The following NT5C2 variants were observed in gnomAD, a reference collection of about 807,000 sequenced individuals.
NT5C2 encodes 5'-nucleotidase, cytosolic II.
Under a neutral mutation model 76.1 loss-of-function variants are expected in NT5C2, and 58 were observed. The ratio of observed to expected loss-of-function variants is 0.76; its 90% CI spans 0.62 to 0.95. The LOEUF (loss-of-function observed/expected upper bound fraction) is 0.95. Among genes scored for constraint, NT5C2 ranks in the 40% least tolerant of loss-of-function variants. NT5C2 has a pLI of 0.00. For synonymous variants in NT5C2, 229 were observed against 237.4 expected, an observed-to-expected ratio of 0.96 and a Z score of 0.32; for missense variants, 478 against 690.3, an observed-to-expected ratio of 0.69 and a Z score of 3.45.
chr10:103,109,351 G>A (rs1429445483), intron 4 of NT5C2, among the ~76,000 whole-genome samples: 2 of 152,102 alleles, frequency 1.3e-5, no homozygotes, highest in Non-Finnish European at 2.9e-5. Flanking sequence ...CATAAGGCAT[G>A]GCACCTACTG....
chr10:103,119,017 GTTCT>G (rs990970280), intron 4 of NT5C2, among the ~76,000 whole-genome samples: 2 of 152,016 alleles, frequency 1.3e-5, no homozygotes, highest in African/African-American at 2.4e-5. Flanking sequence ...CTATTTTTCT[GTTCT>G]TTAATTTTCA....
intron 11 of NT5C2, 150 bp from the exon 12 acceptor site, chr10:103,096,130 A>G: frequency 1.6e-6 from 1 of 625,000 alleles, no homozygotes; most frequent in Non-Finnish European, 2.8e-6. Context: ...AAATCATGGC[A>G]GTGGAAGCCA....
chr10:103,089,998 A>C, intron 18 of NT5C2, 90 bp from the exon 19 acceptor site: 4 of 958,190 alleles, frequency 4.2e-6, no homozygotes, highest in Non-Finnish European at 6.1e-6. Flanking sequence ...TTAGGTGGCC[A>C]TGCAATTACA....
intron 1 of NT5C2, among the ~76,000 whole-genome samples, chr10:103,190,104 G>A (rs1037792736): frequency 5.0e-4 from 74 of 148,356 alleles, no homozygotes; most frequent in African/African-American, 1.7e-3. Context: ...GGGTTCAAGC[G>A]ATTCTCCTGC....
At chr10:103,134,768 C>A (rs1053400632) in intron 4 of NT5C2, among the ~76,000 whole-genome samples, 1 of 152,242 alleles carries the variant, frequency 6.6e-6, no homozygotes, top group African/African-American at 2.4e-5. Context: ...CCTGTGAAAG[C>A]AGCTGGGAGG....
At chr10:103,191,173 C>T (rs570589948) in intron 1 of NT5C2, among the ~76,000 whole-genome samples, 10 of 152,268 alleles carry the variant, frequency 6.6e-5, no homozygotes, top group Non-Finnish European at 1.5e-4. Context: ...GGGCAGATCA[C>T]CTGAGGTCAG....
At chr10:103,142,415 G>A (rs1449281215) in intron 3 of NT5C2, among the ~76,000 whole-genome samples, 2 of 152,100 alleles carry the variant, frequency 1.3e-5, no homozygotes, top group East Asian at 3.9e-4. Context: ...AGTAGCTCAC[G>A]CCTGTAATCC....
At chr10:103,124,758 AC>A (rs1297862593) in intron 4 of NT5C2, among the ~76,000 whole-genome samples, 3 of 152,030 alleles carry the variant, frequency 2.0e-5, no homozygotes, top group African/African-American at 7.2e-5. Context: ...ACCCAGGTCT[AC>A]CACACCATGA....
At chr10:103,153,874 G>T in intron 3 of NT5C2, 1 of 772,220 alleles carries the variant, frequency 1.3e-6, no homozygotes, top group Non-Finnish European at 1.6e-6. Flanking sequence ...ATTACAGGAG[G>T]AACCTAAAGT....
rs11191552 is a variant in NT5C2, at chr10:103,091,138, G to A, written c.1212-142C>T. 7,370 of 696,680 alleles carry A rather than the reference G, an allele frequency of 0.011. 51 individuals carry two copies. Among genetic ancestry groups the A allele is most frequent in the Non-Finnish European group, 0.015 (6,109 of 404,666 alleles). 43.2% of individuals were successfully genotyped at this position (696,680 alleles called of 1,614,324 possible). On this transcript the variant is annotated intron_variant, in intron 16 of 18. Coordinates refer to ENST00000404739, the MANE Select transcript of NT5C2 (RefSeq NM_001351169.2). ...CAACCTCTGCCTCCCAGCTTCAAGC[G>A]ATTCTCCTGCCTCAGCCACCCTAAT... is the stretch of plus-strand genomic sequence containing the variant.
chr10:103,114,252 A>T (rs1418205419), intron 4 of NT5C2, among the ~76,000 whole-genome samples: 2 of 152,074 alleles, frequency 1.3e-5, no homozygotes, highest in Non-Finnish European at 2.9e-5. Context: ...GTCTCTACTA[A>T]AAAATACAAC....
intron 4 of NT5C2, among the ~76,000 whole-genome samples, chr10:103,129,832 A>G (rs2077690321): frequency 2.6e-5 from 2 of 75,732 alleles, no homozygotes; most frequent in Admixed American, 1.2e-4. Context: ...CCTACTGGGA[A>G]GTGAGGAGCC....
At chr10:103,188,314 C>T (rs1176184402) in intron 1 of NT5C2, among the ~76,000 whole-genome samples, 3 of 151,880 alleles carry the variant, frequency 2.0e-5, no homozygotes, top group African/African-American at 4.8e-5. Context: ...GCAGAGATCA[C>T]GCCATTGCAC....
chr10:103,149,536 A>G (rs1041968561), intron 3 of NT5C2, among the ~76,000 whole-genome samples: 6 of 152,192 alleles, frequency 3.9e-5, no homozygotes, highest in African/African-American at 1.4e-4. Context: ...TATATTTACT[A>G]TTCTAAAACC....
chr10:103,147,489 T>C (rs536983623), intron 3 of NT5C2, among the ~76,000 whole-genome samples: 4 of 152,230 alleles, frequency 2.6e-5, no homozygotes, highest in Non-Finnish European at 5.9e-5. Flanking sequence ...GCCACAGAAC[T>C]ATGTGACAGT....
chr10:103,184,022 G>A (rs571675567), intron 1 of NT5C2, among the ~76,000 whole-genome samples: 11 of 151,006 alleles, frequency 7.3e-5, no homozygotes, highest in South Asian at 2.1e-4. Context: ...ACGCGATCTC[G>A]GCTCAATGCA....
chr10:103,163,183 T>C (rs1185487064), intron 3 of NT5C2, among the ~76,000 whole-genome samples: 1 of 152,272 alleles, frequency 6.6e-6, no homozygotes, highest in African/African-American at 2.4e-5. Flanking sequence ...TTTATGTATG[T>C]ACCTGCTGAA....
intron 3 of NT5C2, among the ~76,000 whole-genome samples, chr10:103,144,150 A>C (rs1467202858): frequency 6.6e-6 from 1 of 152,212 alleles, no homozygotes; most frequent in Non-Finnish European, 1.5e-5. Flanking sequence ...ACTAAATGTA[A>C]CTACTGAAGG....
At chr10:103,189,754 T>C (rs2092462053) in intron 1 of NT5C2, among the ~76,000 whole-genome samples, 1 of 150,714 alleles carries the variant, frequency 6.6e-6, no homozygotes. Context: ...CTGCAACCTC[T>C]GCCTCCCAGG....
Sources: gnomAD v4.1 joint callset for allele counts (sites outside exome capture counted in the v4.1 genomes callset) on GRCh38, gnomAD v4.1.1 for gene constraint, MANE v1.5 for transcripts, NCBI Gene and HGNC (gene_info 2026-07-23, HGNC 2026-07-21) for gene names.